Variants in DTD1 observed in about 807,000 individuals in gnomAD.
DTD1 encodes D-aminoacyl-tRNA deacylase 1.
A neutral mutation model predicts 25.6 loss-of-function variants in DTD1; 13 were observed. The observed-to-expected ratio is 0.51, with a 90% CI of 0.33 to 0.81. The LOEUF (loss-of-function observed/expected upper bound fraction) is 0.81, where lower values mean the gene tolerates loss of function less well. DTD1 is among the 30% of genes least tolerant of loss of function. DTD1 has a pLI of 0.02. For missense variants in DTD1, 193 were observed against 266.4 expected, an observed-to-expected ratio of 0.72 and a Z score of 1.92; for synonymous variants, 110 against 103.6, an observed-to-expected ratio of 1.06 and a Z score of -0.37.
chr20:18,704,289 C>T (rs2061117190), intron 4 of DTD1, among the ~76,000 whole-genome samples: 1 of 152,164 alleles, frequency 6.6e-6, no homozygotes, highest in Non-Finnish European at 1.5e-5. Context: ...TGTGAGCCAC[C>T]ACGCCCAGCC....
In DTD1 at chr20:18,705,130, T is replaced by C. The variant is rs116697209; in HGVS notation, c.478-38970T>C. ...AAAGATAGGACATTTCCATCACAGA[T>C]AATTCGGCTAGACAGAGCTGGTCTA... On this transcript the variant is annotated intron_variant, in intron 4 of 5. Coordinates refer to ENST00000377452, the MANE Select transcript of DTD1 (RefSeq NM_080820.6). Among the ~76,000 whole-genome samples the C allele has an allele frequency of 3.9e-3, 597 of 152,322 alleles. 4 individuals are homozygous for C. Among genetic ancestry groups the C allele is most frequent in the African/African-American group, 0.014 (578 of 41,578 alleles).
At chr20:18,607,630 G>T (rs909659663) in intron 3 of DTD1, among the ~76,000 whole-genome samples, 7 of 152,058 alleles carry the variant, frequency 4.6e-5, no homozygotes, top group Admixed American at 6.6e-5. Context: ...TCTAGGCCTG[G>T]TGTTTCTTTT....
At chr20:18,736,666 G>T (rs2061256562) in intron 4 of DTD1, among the ~76,000 whole-genome samples, 1 of 152,194 alleles carries the variant, frequency 6.6e-6, no homozygotes, top group African/African-American at 2.4e-5. Context: ...CTGCCCAAGA[G>T]CCTCTGTTTT....
chr20:18,659,792 T>C (rs902122899), intron 4 of DTD1, among the ~76,000 whole-genome samples: 3 of 151,732 alleles, frequency 2.0e-5, no homozygotes, highest in African/African-American at 4.9e-5. Context: ...TTAGGACAAA[T>C]ACCTAATGCA....
intron 4 of DTD1, among the ~76,000 whole-genome samples, chr20:18,670,848 A>G (rs1323619721): frequency 1.3e-5 from 2 of 152,224 alleles, no homozygotes; most frequent in African/African-American, 2.4e-5. Context: ...CATCATCAGT[A>G]TCACCTATTA....
intron 1 of DTD1, among the ~76,000 whole-genome samples, chr20:18,592,838 A>G (rs1050117225): frequency 5.9e-5 from 9 of 152,004 alleles, no homozygotes; most frequent in Non-Finnish European, 1.3e-4. Flanking sequence ...GCCCGCCACC[A>G]TGCCCGGCTA....
chr20:18,616,850 T>A (rs2060710965), intron 3 of DTD1, among the ~76,000 whole-genome samples: 1 of 152,144 alleles, frequency 6.6e-6, no homozygotes, highest in African/African-American at 2.4e-5. Flanking sequence ...TATGGTGGGG[T>A]TTTGCACTCC....
In DTD1 at chr20:18,668,246, A is replaced by G. The variant is rs12624908; in HGVS notation, c.477+40013A>G. On this transcript the variant is annotated intron_variant, in intron 4 of 5. Transcript: ENST00000377452. ...GAAACTTAGAAACACATTTTGGGCT[A>G]GTACGATAGCATGAGTGCTGAGTGC... Among the ~76,000 whole-genome samples, 38 of 152,342 alleles carry G rather than the reference A, an allele frequency of 2.5e-4. No individual in the cohort carries two copies. In the East Asian group the frequency reaches 7.3e-3, roughly 29 times the overall value.
intron 4 of DTD1, among the ~76,000 whole-genome samples, chr20:18,741,549 A>G (rs1324882786): frequency 6.6e-6 from 1 of 152,008 alleles, no homozygotes; most frequent in Admixed American, 6.5e-5. Context: ...TTTCCCCTCC[A>G]TGTTAACTAG....
At chr20:18,713,001 C>G (rs1362244291) in intron 4 of DTD1, among the ~76,000 whole-genome samples, 1 of 152,268 alleles carries the variant, frequency 6.6e-6, no homozygotes, top group Non-Finnish European at 1.5e-5. Flanking sequence ...CTTTCCCTCC[C>G]CTGTCCTGGG....
At chr20:18,686,209 A>T (rs2061015992) in intron 4 of DTD1, among the ~76,000 whole-genome samples, 1 of 152,260 alleles carries the variant, frequency 6.6e-6, no homozygotes, top group Non-Finnish European at 1.5e-5. Flanking sequence ...TTATTTAAAC[A>T]GATTTTATAA....
At chr20:18,597,328 C>T (rs2060616163) in intron 3 of DTD1, among the ~76,000 whole-genome samples, 1 of 152,008 alleles carries the variant, frequency 6.6e-6, no homozygotes, top group Non-Finnish European at 1.5e-5. Context: ...TTGAACATCC[C>T]CTTTTCCTTT....
At chr20:18,647,933 G>C (rs2060856272) in intron 4 of DTD1, among the ~76,000 whole-genome samples, 2 of 152,172 alleles carry the variant, frequency 1.3e-5, no homozygotes, top group South Asian at 4.1e-4. Context: ...GGCCAGGGGA[G>C]AGTGGTGTCA....
At chr20:18,757,525 A>G (rs2061344082) in intron 5 of DTD1, among the ~76,000 whole-genome samples, 2 of 152,208 alleles carry the variant, frequency 1.3e-5, no homozygotes, top group African/African-American at 2.4e-5. Flanking sequence ...ATCTATTGAG[A>G]TAATCATGTG....
chr20:18,743,131 C>T (rs2061285093), intron 4 of DTD1, among the ~76,000 whole-genome samples: 1 of 152,216 alleles, frequency 6.6e-6, no homozygotes, highest in South Asian at 2.1e-4. Flanking sequence ...CTAGCTGATG[C>T]TTTCTTTGAA....
intron 4 of DTD1, among the ~76,000 whole-genome samples, chr20:18,655,906 A>G (rs1045762971): frequency 4.6e-5 from 7 of 151,980 alleles, no homozygotes; most frequent in Non-Finnish European, 5.9e-5. Flanking sequence ...AGTAGCTGGG[A>G]TTACAGGCAT....
At chr20:18,588,231 C>G (rs1568636921) in intron 1 of DTD1, 116 bp downstream of exon 1, 2 of 1,015,194 alleles carry the variant, frequency 2.0e-6, no homozygotes, top group African/African-American at 1.7e-5. Flanking sequence ...CTCCGCGAGC[C>G]TGGTCCCCTT....
rs965455906 is a variant in DTD1, at chr20:18,588,127, G to A, written c.43+12G>A. The A allele has an allele frequency of 1.0e-5, 13 of 1,274,626 alleles. No homozygotes were observed. In the Admixed American group the frequency reaches 4.3e-4, roughly 42 times the overall value. 79.0% of individuals were successfully genotyped at this position (1,274,626 alleles called of 1,614,324 possible). The stretch of plus-strand genomic sequence containing the variant: ...GGCCAGCGTCACAGGTCAGTCGGGC[G>A]GGGCCGGGCCCGGGAGGAGCCGCCC... On this transcript the variant is annotated intron_variant, in intron 1 of 5. Transcript: ENST00000377452.
At chr20:18,615,216 G>A (rs902785473) in intron 3 of DTD1, among the ~76,000 whole-genome samples, 1 of 152,252 alleles carries the variant, frequency 6.6e-6, no homozygotes, top group Non-Finnish European at 1.5e-5. Flanking sequence ...GTAATGACAG[G>A]AGTGTCAAAG....
Sources: gnomAD v4.1 joint callset for allele counts (sites outside exome capture counted in the v4.1 genomes callset) on GRCh38, gnomAD v4.1.1 for gene constraint, MANE v1.5 for transcripts, NCBI Gene and HGNC (gene_info 2026-07-23, HGNC 2026-07-21) for gene names.